The following TOR3A variants were observed in gnomAD, a reference collection of about 807,000 sequenced individuals.
The protein encoded by TOR3A is torsin-3A.
TOR3A carries 44 observed loss-of-function variants against 42.1 expected under a neutral mutation model. The observed-to-expected ratio is 1.04, with a 90% CI of 0.82 to 1.34. The LOEUF (loss-of-function observed/expected upper bound fraction) is 1.34. Among genes scored for constraint, TOR3A ranks in the 40% most tolerant of loss-of-function variants. The pLI is 0.00. For synonymous variants in TOR3A, 227 were observed against 213.2 expected (o/e 1.06, Z -0.57); for missense variants, 521 against 507.6 (o/e 1.03, Z -0.25).
chr1:179,086,546 G>C (rs1050189220), intron 3 of TOR3A, among the ~76,000 whole-genome samples: 1 of 151,964 alleles, frequency 6.6e-6, no homozygotes, highest in African/African-American at 2.4e-5. Context: ...GGCACCTGTA[G>C]TCTCAGCTAC....
intron 3 of TOR3A, among the ~76,000 whole-genome samples, chr1:179,087,586 AGAGCAGGGCTG>A (rs898623268): frequency 2.0e-5 from 3 of 152,152 alleles, no homozygotes; most frequent in African/African-American, 7.2e-5. Flanking sequence ...TGGAGAGGAG[AGAGCAGGGCTG>A]GAGCAGGGGC....
chr1:179,084,654 A>G (rs1361747563), intron 2 of TOR3A, among the ~76,000 whole-genome samples: 1 of 152,206 alleles, frequency 6.6e-6, no homozygotes, highest in Admixed American at 6.5e-5. Context: ...CTATGTCACT[A>G]CTACTTTTGG....
intron 3 of TOR3A, among the ~76,000 whole-genome samples, chr1:179,087,538 T>A (rs986317122): frequency 6.6e-6 from 1 of 152,128 alleles, no homozygotes; most frequent in African/African-American, 2.4e-5. Flanking sequence ...AGTTTGCGGG[T>A]GTGTGGACAT....
intron 4 of TOR3A, among the ~76,000 whole-genome samples, chr1:179,090,170 G>A (rs1376576094): frequency 1.3e-5 from 2 of 152,182 alleles, no homozygotes; most frequent in South Asian, 2.1e-4. Context: ...CAGCAGGGTG[G>A]GGAGGTCCCC....
rs780868488 is a variant in TOR3A at position 179,082,376 on chromosome 1, C to G, written c.248C>G (p.Thr83Arg). 2.5e-6 allele frequency: 4 copies of G among 1,605,398 alleles called. No homozygotes were observed. Among genetic ancestry groups the G allele is most frequent in the Non-Finnish European group, 2.5e-6 (3 of 1,177,218 alleles). Residue 83 changes from threonine (T) to arginine (R), a missense_variant, in exon 1 of 6, where the codon ACG (threonine) becomes AGG (arginine). Physicochemically the swap from Thr to Arg is moderately conservative, Grantham distance 71. Coordinates refer to ENST00000367627, the MANE Select transcript of TOR3A (RefSeq NM_022371.4). ...DDCDEDEEAATGPLGWRLPLL... is the reference protein window; with the variant it reads ...DDCDEDEEAARGPLGWRLPLL... Reference sequence around the variant, plus strand: ...TGTGACGAGGACGAGGAGGCAGCCACGGGGCCCCTGGGTAAGACCCCGTCC... The same window carrying G: ...TGTGACGAGGACGAGGAGGCAGCCAGGGGGCCCCTGGGTAAGACCCCGTCC...
At chr1:179,094,323 A>G (rs1652676162) in intron 5 of TOR3A, 106 bp downstream of exon 5, 9 of 1,405,782 alleles carry the variant, frequency 6.4e-6, no homozygotes, top group African/African-American at 1.4e-5. Context: ...TTGGGAACAC[A>G]GAGGGCAGAC....
intron 4 of TOR3A, among the ~76,000 whole-genome samples, chr1:179,093,760 CCA>C (rs1652657372): frequency 6.6e-6 from 1 of 152,198 alleles, no homozygotes; most frequent in East Asian, 1.9e-4. Context: ...TTAGCGCTTG[CCA>C]CACTGTCCTG....
chr1:179,085,741 CTG>C lies in TOR3A; in HGVS notation c.489_490del (p.Ser164ValfsTer28). On this transcript the variant is annotated frameshift_variant, in exon 3 of 6. Coordinates refer to ENST00000367627, the MANE Select transcript of TOR3A (RefSeq NM_022371.4). LOFTEE classifies it high-confidence loss of function. ...GCCCCAGCCAGAAAAGGCCCTTGCT[CTG>C]TCGTTCCACGGCTGGTCTGGCACAG... ...ETPQPEKALA[L>X]SFHGWSGTGK... 1 of 1,614,240 alleles carries C rather than the reference CTG, an allele frequency of 6.2e-7. No individual in the cohort carries two copies. The highest frequency in any genetic ancestry group is 8.5e-7 in the Non-Finnish European group (1 of 1,180,050).
intron 4 of TOR3A, among the ~76,000 whole-genome samples, chr1:179,091,237 T>C (rs1213628355): frequency 6.6e-6 from 1 of 152,166 alleles, no homozygotes; most frequent in African/African-American, 2.4e-5. Context: ...AGACGGGGGA[T>C]GAGGGCTGGT....
At chr1:179,089,477 AGAG>A (rs1187281781) in intron 4 of TOR3A, among the ~76,000 whole-genome samples, 2 of 152,172 alleles carry the variant, frequency 1.3e-5, no homozygotes, top group Non-Finnish European at 2.9e-5. Flanking sequence ...GTGATTTTTA[AGAG>A]GAGAGAGAGA....
chr1:179,088,185 C>A, intron 4 of TOR3A, 96 bp downstream of exon 4: 2 of 1,332,902 alleles, frequency 1.5e-6, no homozygotes, highest in Non-Finnish European at 2.0e-6. Context: ...CAGAACCTTT[C>A]CTCAAGAAAA....
At chr1:179,093,007 AAGAG>A (rs1342170089) in intron 4 of TOR3A, among the ~76,000 whole-genome samples, 3 of 152,156 alleles carry the variant, frequency 2.0e-5, no homozygotes, top group Non-Finnish European at 4.4e-5. Flanking sequence ...TGTCTCCAAA[AAGAG>A]AGAAAGCACG....
chr1:179,093,348 A>G (rs561607275), intron 4 of TOR3A, among the ~76,000 whole-genome samples: 1 of 152,236 alleles, frequency 6.6e-6, no homozygotes, highest in African/African-American at 2.4e-5. Flanking sequence ...AGCAAAAAAC[A>G]CTCAAACGTG....
intron 4 of TOR3A, among the ~76,000 whole-genome samples, chr1:179,091,256 G>A (rs1258918309): frequency 6.6e-6 from 1 of 152,176 alleles, no homozygotes; most frequent in African/African-American, 2.4e-5. Context: ...GTTGAGAGAG[G>A]TGCCCTCTGG....
chr1:179,089,385 C>T lies in TOR3A; in HGVS notation c.818+1296C>T, dbSNP rs899630809. ...CTGGGTTGGGATTTCTGTGTAGTGG[C>T]GGGAAGCCCTTCCTGGTCTGCAGGT... On this transcript the variant is annotated intron_variant, in intron 4 of 5. Transcript: ENST00000367627. Among the ~76,000 whole-genome samples, 11 of 150,334 alleles carry T rather than the reference C, an allele frequency of 7.3e-5. No individual in the cohort carries two copies. In the East Asian group the frequency reaches 9.8e-4, roughly 13 times the overall value.
chr1:179,087,830 A>G (rs958522641), intron 3 of TOR3A, 81 bp from the exon 4 acceptor site: 2 of 1,397,874 alleles, frequency 1.4e-6, no homozygotes, highest in Non-Finnish European at 9.6e-7. Flanking sequence ...TCCATTGCAC[A>G]TGCCCAGGGG....
chr1:179,083,996 T>C lies in TOR3A; in HGVS notation c.373+943T>C, dbSNP rs370146071. ...ACACAGTCTGGCTCAGGACAGAAGATAGGACTACATACAGGTCAGGAAGTC... is the reference window on the plus strand; with the variant it reads ...ACACAGTCTGGCTCAGGACAGAAGACAGGACTACATACAGGTCAGGAAGTC... On this transcript the variant is annotated intron_variant, in intron 2 of 5. Coordinates refer to ENST00000367627, the MANE Select transcript of TOR3A (RefSeq NM_022371.4). Among the ~76,000 whole-genome samples, 21 of 152,294 alleles carry C rather than the reference T, an allele frequency of 1.4e-4. No individual in the cohort carries two copies. The East Asian group carries it at 3.3e-3, about 24-fold the overall frequency.
chr1:179,084,974 G>A (rs1355179102), intron 2 of TOR3A, among the ~76,000 whole-genome samples: 1 of 152,236 alleles, frequency 6.6e-6, no homozygotes, highest in Non-Finnish European at 1.5e-5. Context: ...ATAAAACAGG[G>A]AGCCCTGAAA....
chr1:179,085,429 A>C, intron 2 of TOR3A, 199 bp from the exon 3 acceptor site: 1 of 666,956 alleles, frequency 1.5e-6, no homozygotes, highest in Non-Finnish European at 2.6e-6. Flanking sequence ...TCTCAAAAAA[A>C]AAAAAAAAAA....
Sources: gnomAD v4.1 joint callset for allele counts (sites outside exome capture counted in the v4.1 genomes callset) on GRCh38, gnomAD v4.1.1 for gene constraint, MANE v1.5 for transcripts, NCBI Gene and HGNC (gene_info 2026-07-23, HGNC 2026-07-21) for gene names.